ARHGEF3: variants seen among roughly 807,000 people sequenced by gnomAD.
ARHGEF3 encodes the protein Rho guanine nucleotide exchange factor 3.
ARHGEF3 carries 28 observed loss-of-function variants against 63.2 expected under a neutral mutation model. The observed-to-expected ratio is 0.44, with a 90% confidence interval of 0.33 to 0.61. The LOEUF is 0.61. ARHGEF3 is among the 20% of genes least tolerant of loss of function. ARHGEF3 has a pLI of 0.03. For missense variants in ARHGEF3, 533 were observed against 659.3 expected, an observed-to-expected ratio of 0.81 and a Z score of 2.10; for synonymous variants, 266 against 254.2, an observed-to-expected ratio of 1.05 and a Z score of -0.44.
chr3:56,737,151 C>T (rs201012620), intron 8 of ARHGEF3, 34 bp downstream of exon 8: 54 of 1,559,688 alleles, frequency 3.5e-5, no homozygotes, highest in Non-Finnish European at 4.0e-5. Context: ...ATACGGGAGG[C>T]GGATAAGACT....
At chr3:56,891,856 G>A (rs67575106) in intron 3 of ARHGEF3, among the ~76,000 whole-genome samples, 20,935 of 152,140 alleles carry the variant, frequency 0.14, 1,475 homozygotes, top group African/African-American at 0.15. Context: ...AAATCATGGG[G>A]AAAATACTTA....
At chr3:56,930,020 A>G (rs1319195061) in intron 3 of ARHGEF3, among the ~76,000 whole-genome samples, 1 of 150,720 alleles carries the variant, frequency 6.6e-6, no homozygotes, top group Non-Finnish European at 1.5e-5. Context: ...GTGCAGCCAC[A>G]TTCCTGAGTC....
At chr3:57,010,706 C>G (rs1702662399) in intron 2 of ARHGEF3, among the ~76,000 whole-genome samples, 1 of 152,172 alleles carries the variant, frequency 6.6e-6, no homozygotes, top group African/African-American at 2.4e-5. Context: ...CTCCTCAGAG[C>G]CCTGACTCCC....
intron 2 of ARHGEF3, among the ~76,000 whole-genome samples, chr3:57,018,849 C>T (rs1447149041): frequency 1.3e-5 from 2 of 152,084 alleles, no homozygotes; most frequent in Non-Finnish European, 2.9e-5. Context: ...ATGAAGACAT[C>T]GAGCTTCAGG....
chr3:56,949,636 C>CA (rs931758422), intron 3 of ARHGEF3, among the ~76,000 whole-genome samples: 499 of 152,098 alleles, frequency 3.3e-3, no homozygotes, highest in Non-Finnish European at 6.4e-3. Context: ...AAAGAGGACA[C>CA]AAACAAATGG....
At chr3:57,066,890 T>C (rs1248754467) in intron 1 of ARHGEF3, among the ~76,000 whole-genome samples, 1 of 152,118 alleles carries the variant, frequency 6.6e-6, no homozygotes, top group Non-Finnish European at 1.5e-5. Flanking sequence ...GGCCTGCCAG[T>C]CTACCTTGCT....
chr3:56,915,102 C>T (rs780625210), intron 3 of ARHGEF3, among the ~76,000 whole-genome samples: 2 of 151,906 alleles, frequency 1.3e-5, no homozygotes, highest in Admixed American at 6.6e-5. Context: ...GAAATCAGTC[C>T]CAGGAACATA....
At chr3:56,894,855 C>T (rs542580311) in intron 3 of ARHGEF3, among the ~76,000 whole-genome samples, 101 of 152,260 alleles carry the variant, frequency 6.6e-4, no homozygotes, top group African/African-American at 2.2e-3. Context: ...ATTCTGCAAA[C>T]GCCAGGTCTC....
chr3:56,877,593 G>A (rs1163276285), intron 4 of ARHGEF3, among the ~76,000 whole-genome samples: 7 of 151,954 alleles, frequency 4.6e-5, no homozygotes, highest in Non-Finnish European at 7.4e-5. Flanking sequence ...GACTGGTCTC[G>A]AACTTCTGGG....
chr3:56,903,619 C>T (rs147295188), intron 3 of ARHGEF3, among the ~76,000 whole-genome samples: 11 of 152,332 alleles, frequency 7.2e-5, no homozygotes, highest in Non-Finnish European at 1.2e-4. Context: ...GCAAAGTGTA[C>T]ATCAGCTGCA....
chr3:56,887,310 C>T (rs991244987), intron 3 of ARHGEF3, among the ~76,000 whole-genome samples: 6 of 152,288 alleles, frequency 3.9e-5, no homozygotes, highest in East Asian at 1.9e-4. Flanking sequence ...AAGGGCGTCC[C>T]GCTGCCTAGA....
intron 3 of ARHGEF3, among the ~76,000 whole-genome samples, chr3:56,887,296 C>G (rs1010113098): frequency 6.6e-6 from 1 of 152,202 alleles, no homozygotes; most frequent in African/African-American, 2.4e-5. Flanking sequence ...TGGGGCACAG[C>G]AGCAAGGGCG....
At chr3:57,074,011 C>T in intron 1 of ARHGEF3, 1 of 1,614,174 alleles carries the variant, frequency 6.2e-7, no homozygotes, top group South Asian at 1.1e-5. Context: ...GGAAGACCCT[C>T]TTCACCTCCA....
chr3:56,735,850 T>G (rs9311619), intron 8 of ARHGEF3, among the ~76,000 whole-genome samples: 1 of 152,086 alleles, frequency 6.6e-6, no homozygotes, highest in Non-Finnish European at 1.5e-5. Flanking sequence ...GGTTATAACA[T>G]GTACTCACTA....
chr3:56,814,812 A>G (rs537507898), intron 4 of ARHGEF3, among the ~76,000 whole-genome samples: 10 of 152,290 alleles, frequency 6.6e-5, no homozygotes, highest in African/African-American at 2.4e-4. Context: ...GAAGCAGCAG[A>G]GTGAAGAGTG....
intron 1 of ARHGEF3, among the ~76,000 whole-genome samples, chr3:57,072,918 C>T (rs1487286650): frequency 6.6e-6 from 1 of 150,814 alleles, no homozygotes; most frequent in Non-Finnish European, 1.5e-5. Context: ...CAGTGGCAGG[C>T]GCCTGTAATC....
intron 3 of ARHGEF3, among the ~76,000 whole-genome samples, chr3:56,945,037 G>A (rs1465148916): frequency 6.6e-6 from 1 of 152,160 alleles, no homozygotes; most frequent in Non-Finnish European, 1.5e-5. Context: ...TCTCCTATGG[G>A]TTAAATGCAT....
At chr3:56,791,310 A>C (rs1024823580) in intron 1 of ARHGEF3, among the ~76,000 whole-genome samples, 2 of 152,014 alleles carry the variant, frequency 1.3e-5, no homozygotes, top group Non-Finnish European at 2.9e-5. Context: ...CTGTAGTCCT[A>C]GGACTACAGC....
At chr3:56,971,900 T>G (rs1700927679) in intron 2 of ARHGEF3, among the ~76,000 whole-genome samples, 1 of 151,796 alleles carries the variant, frequency 6.6e-6, no homozygotes, top group South Asian at 2.1e-4. Context: ...TATACATGAT[T>G]TTCACCTTAC....
Sources: gnomAD v4.1 joint callset for allele counts (sites outside exome capture counted in the v4.1 genomes callset) on GRCh38, gnomAD v4.1.1 for gene constraint, MANE v1.5 for transcripts, NCBI Gene and HGNC (gene_info 2026-07-23, HGNC 2026-07-21) for gene names.